DSP: variants seen among roughly 807,000 people sequenced by gnomAD.
DSP encodes the protein 250/210 kDa paraneoplastic pemphigus antigen.
In DSP, 114 loss-of-function variants were observed where a neutral mutation model predicts 290.6. That is an observed-to-expected ratio of 0.39 (90% CI 0.34 to 0.46). The LOEUF (loss-of-function observed/expected upper bound fraction) is 0.46. Ranked by LOEUF, DSP falls within the 20% of genes least tolerant of loss-of-function variation. DSP has a pLI of 0.99. For missense variants in DSP, 3,230 were observed against 3,495.8 expected, an observed-to-expected ratio of 0.92 and a Z score of 1.92; for synonymous variants, 1,311 against 1,316.4, an observed-to-expected ratio of 1.00 and a Z score of 0.09.
In DSP at chr6:7,574,811, A is replaced by C. The variant is rs199555263; in HGVS notation, c.2436+16A>C. Reference sequence around the variant, plus strand: ...TGGACTGAAGGTAACTTGAAAGCTTATAACAGTGGCCCAACTTACAGGAAC... The same window carrying C: ...TGGACTGAAGGTAACTTGAAAGCTTCTAACAGTGGCCCAACTTACAGGAAC... On this transcript the variant is annotated intron_variant, in intron 17 of 23. Transcript: ENST00000379802. The C allele has an allele frequency of 1.1e-5, 17 of 1,614,040 alleles. No individual in the cohort carries two copies. In the South Asian group the frequency reaches 1.6e-4, roughly 16 times the overall value.
chr6:7,571,654 A>G, intron 14 of DSP, 70 bp downstream of exon 14: 1 of 1,600,286 alleles, frequency 6.2e-7, no homozygotes, highest in Non-Finnish European at 8.6e-7. Context: ...AGTTTGCATA[A>G]AACTGGTTTC....
chr6:7,547,710 TAC>T (rs1487534062), intron 1 of DSP, among the ~76,000 whole-genome samples: 1 of 152,088 alleles, frequency 6.6e-6, no homozygotes, highest in Non-Finnish European at 1.5e-5. Flanking sequence ...GTGCTAGAAT[TAC>T]AGGCAAGAGC....
At chr6:7,576,898 C>A (rs1020031829) in intron 19 of DSP, 61 bp from the exon 20 acceptor site, 1 of 1,387,268 alleles carries the variant, frequency 7.2e-7, no homozygotes, top group South Asian at 1.2e-5. Context: ...AGAGTGAAAT[C>A]ACATTTATTT....
chr6:7,562,829 A>C (rs1758744420), intron 5 of DSP, 49 bp downstream of exon 5: 1 of 1,611,916 alleles, frequency 6.2e-7, no homozygotes. Flanking sequence ...CTACCGAAGG[A>C]TCGTGTAATT....
In DSP at chr6:7,554,922, T is replaced by C. The variant is rs148675211; in HGVS notation, c.171-796T>C. ...TGCCTGCCTTGGCTTCCCAAAGCAC[T>C]GGGATTACAGGTGTGAACCACTGTG... is the stretch of plus-strand genomic sequence containing the variant. On this transcript the variant is annotated intron_variant, in intron 1 of 23. Coordinates refer to ENST00000379802, the MANE Select transcript of DSP (RefSeq NM_004415.4). 5.3e-5 allele frequency among the ~76,000 whole-genome samples: 8 copies of C among 152,220 alleles called. No individual in the cohort carries two copies. The East Asian group carries it at 9.6e-4, about 18-fold the overall frequency.
Position 7,541,738 on chromosome 6 carries a change from C to T in DSP, c.-178C>T, listed in dbSNP as rs1196961145. 1.3e-6 allele frequency: 1 copy of T among 755,070 alleles called. No homozygotes were observed. Among genetic ancestry groups the T allele is most frequent in the Non-Finnish European group, 2.0e-6 (1 of 496,234 alleles). 46.8% of individuals were successfully genotyped at this position (755,070 alleles called of 1,614,324 possible). A position where few individuals can be genotyped will look rare whatever the true frequency, so the allele number is the denominator to read the frequency against. On this transcript the variant is annotated 5_prime_UTR_variant, in exon 1 of 24. Transcript: ENST00000379802. ...GCTCCTGCCCCCGGCCCGTCGCCGT[C>T]TCCGCGCTCGCAGCGGCCTCGGGAG...
In DSP at chr6:7,580,019, C is replaced by T. The variant is rs397516933; in HGVS notation, c.3829C>T (p.Gln1277Ter). 1.9e-6 allele frequency: 3 copies of T among 1,614,122 alleles called. No homozygotes were observed. The highest frequency in any genetic ancestry group is 1.1e-5 in the South Asian group (1 of 91,076). The change falls in exon 23 of 24, where the codon CAA (glutamine) becomes TAA (stop). Residue 1277 changes from glutamine to a stop codon, truncating the protein, a stop_gained. Transcript: ENST00000379802. LOFTEE classifies it high-confidence loss of function. The surrounding 1 kb of genome is among the most constrained non-coding windows in gnomAD (Gnocchi z 4.2). The stretch of plus-strand genomic sequence containing the variant: ...GCGAGCTGAAGAAAACGCCCTTCAG[C>T]AAAAGGCCTGTGGCTCTGAGATAAT... ...RRRAEENALQ[Q>*]KACGSEIMQK...
At chr6:7,581,624 T>G in intron 23 of DSP, 55 bp downstream of exon 23, 7 of 1,603,368 alleles carry the variant, frequency 4.4e-6, no homozygotes, top group Non-Finnish European at 5.9e-6. Context: ...TTCATCACAT[T>G]ATTATCTCAT....
Position 7,579,974 on chromosome 6 carries a change from CAGGCCACTGAGCAGCGA to C in DSP, c.3789_3805del (p.Thr1264SerfsTer2). The C allele has an allele frequency of 6.2e-7, 1 of 1,614,132 alleles. No homozygotes were observed. On this transcript the variant is annotated frameshift_variant, in exon 23 of 24. Coordinates refer to ENST00000379802, the MANE Select transcript of DSP (RefSeq NM_004415.4). LOFTEE classifies it high-confidence loss of function. The surrounding 1 kb of genome is among the most constrained non-coding windows in gnomAD (Gnocchi z 4.1). ...TGTCAGGCTCAATGACAGCATCTTG[CAGGCCACTGAGCAGCGA>C]AGGCGAGCTGAAGAAAACGCCCTTC...
At chr6:7,555,941 C>A (rs951588770) in intron 2 of DSP, 121 bp downstream of exon 2, 1 of 835,684 alleles carries the variant, frequency 1.2e-6, no homozygotes, top group East Asian at 2.6e-5. Flanking sequence ...TTTAGAGACA[C>A]GCTTTTTCAG....
chr6:7,551,254 A>G (rs891755173), intron 1 of DSP, among the ~76,000 whole-genome samples: 1 of 152,182 alleles, frequency 6.6e-6, no homozygotes, highest in African/African-American at 2.4e-5. Flanking sequence ...GATTAAAAAA[A>G]AATCTAAAAT....
At chr6:7,571,724 T>G in intron 14 of DSP, 118 bp from the exon 15 acceptor site, 2 of 1,497,342 alleles carry the variant, frequency 1.3e-6, no homozygotes, top group Non-Finnish European at 1.9e-6. Flanking sequence ...TTTTCAGAAT[T>G]GATTCTGAAA....
chr6:7,547,553 G>C (rs542948607), intron 1 of DSP, among the ~76,000 whole-genome samples: 1 of 151,810 alleles, frequency 6.6e-6, no homozygotes, highest in Admixed American at 6.6e-5. Context: ...TCAGCCTCTC[G>C]AGTAGCTTGG....
intron 4 of DSP, among the ~76,000 whole-genome samples, chr6:7,561,503 C>T (rs1758691321): frequency 6.6e-6 from 1 of 152,124 alleles, no homozygotes; most frequent in Non-Finnish European, 1.5e-5. Context: ...GAGGCAGGCA[C>T]TCCTGAGCCA....
chr6:7,585,517 G>A lies in DSP; in HGVS notation c.8255G>A (p.Arg2752Gln), dbSNP rs769706539. 1.2e-5 allele frequency: 20 copies of A among 1,614,046 alleles called. No individual in the cohort carries two copies. The African/African-American group carries it at 1.6e-4, about 13-fold the overall frequency. The change falls in exon 24 of 24, where the codon CGG becomes CAG. Residue 2752 changes from arginine to glutamine, a missense_variant. Arg to Gln is a conservative substitution (Grantham distance 43). Coordinates refer to ENST00000379802, the MANE Select transcript of DSP (RefSeq NM_004415.4). ...HGRISTEEAI[R>Q]KGFIDGRAAQ... ...AGGATAAGCACCGAAGAAGCCATCC[G>A]GAAGGGGTTCATAGATGGCCGCGCC...
In DSP at chr6:7,581,218, A is replaced by G; in HGVS notation, c.5028A>G (p.Lys1676=). 1 of 1,614,214 alleles carries G rather than the reference A, an allele frequency of 6.2e-7. No homozygotes were observed. Among genetic ancestry groups the G allele is most frequent in the Non-Finnish European group, 8.5e-7 (1 of 1,180,052 alleles). Residue 1676 remains lysine (K), a synonymous_variant, in exon 23 of 24, where the codon AAA becomes AAG. Transcript: ENST00000379802. ...RQLLQEQESV[K]QAHLRNEHFQ... ...TACTCCAGGAACAGGAAAGTGTCAA[A>G]CAAGCTCACTTGAGGAATGAGCATT...
chr6:7,563,313 CTT>C (rs70978990), intron 5 of DSP, among the ~76,000 whole-genome samples: 28 of 138,878 alleles, frequency 2.0e-4, no homozygotes, highest in Middle Eastern at 3.7e-3. Context: ...AATCACTAAA[CTT>C]TTTTTTTTTT....
chr6:7,574,130 G>A lies in DSP; in HGVS notation c.2175G>A (p.Gln725=), dbSNP rs778822771. ...DSQAIAEVLN[Q]LKDMLANFRG... ...AAGCAATTGCTGAGGTTCTCAACCA[G>A]CTTAAAGATATGCTTGCCAACTTCA... The change falls in exon 16 of 24, where the codon CAG becomes CAA. Residue 725 remains glutamine, a synonymous_variant. Transcript: ENST00000379802. 1.2e-6 allele frequency: 2 copies of A among 1,614,154 alleles called. No individual in the cohort carries two copies. The highest frequency in any genetic ancestry group is 1.7e-5 in the Admixed American group (1 of 60,022).
chr6:7,574,493 G>A (rs1759168689), intron 16 of DSP, among the ~76,000 whole-genome samples, 164 bp from the exon 17 acceptor site: 1 of 152,130 alleles, frequency 6.6e-6, no homozygotes, highest in African/African-American at 2.4e-5. Flanking sequence ...GAATTCTTCA[G>A]CGAATACAAA....
Sources: gnomAD v4.1 joint callset for allele counts (sites outside exome capture counted in the v4.1 genomes callset) on GRCh38, gnomAD v4.1.1 for gene constraint, Gnocchi (gnomAD v3.1) non-coding constraint, MANE v1.5 for transcripts, NCBI Gene and HGNC (gene_info 2026-07-23, HGNC 2026-07-21) for gene names.